The following FARP1 variants were observed in gnomAD, a reference collection of about 807,000 sequenced individuals.
FARP1 encodes the protein FERM, ARH/RhoGEF and pleckstrin domain protein 1.
Under a neutral mutation model 128.8 loss-of-function variants are expected in FARP1, and 52 were observed. That is an observed-to-expected ratio of 0.40 (90% CI 0.32 to 0.51). The LOEUF is 0.51. Among genes scored for constraint, FARP1 ranks in the 20% least tolerant of loss-of-function variants. The probability of loss-of-function intolerance (pLI) is 0.45; values close to 1 mark genes in which losing one functional copy is unlikely to be tolerated. For missense variants in FARP1, 1,333 were observed against 1,367.9 expected (o/e 0.97, Z 0.40); for synonymous variants, 580 against 551.8 (o/e 1.05, Z -0.72).
At chr13:98,405,474 G>C (rs1348823268) in intron 13 of FARP1, 8 of 152,168 alleles carry the variant, frequency 5.3e-5, no homozygotes, top group Non-Finnish European at 1.0e-4. Flanking sequence ...CAGTCTGAGG[G>C]GGGCAGCATA....
Position 98,209,472 on chromosome 13 carries a change from ATTTTTTT to A in FARP1, c.-23-3730_-23-3724del, listed in dbSNP as rs534634730. 6.6e-5 allele frequency among the ~76,000 whole-genome samples: 7 copies of A among 106,444 alleles called. 1 individual carries two copies. The highest frequency in any genetic ancestry group is 2.7e-4 in the African/African-American group (7 of 25,668). The allele number at this position is 106,444 out of a possible 152,430, so 69.8% of individuals were successfully genotyped here. A position where few individuals can be genotyped will look rare whatever the true frequency, so the allele number is the denominator to read the frequency against. ...GAGACAGACTATCTGGGGAGGAAAG[ATTTTTTT>A]TTTTTTTTTTTTTTTTTAAGGAAAA... On this transcript the variant is annotated intron_variant, in intron 1 of 26. Coordinates refer to ENST00000319562, the MANE Select transcript of FARP1 (RefSeq NM_005766.4).
chr13:98,246,350 C>T (rs1883065172), intron 2 of FARP1, among the ~76,000 whole-genome samples: 1 of 151,594 alleles, frequency 6.6e-6, no homozygotes, highest in African/African-American at 2.4e-5. Flanking sequence ...GCCTCGGCCT[C>T]CCAAAGTGCT....
chr13:98,411,530 T>A lies in FARP1; in HGVS notation c.1693-371T>A, dbSNP rs567057273. ...CAGTGTTTTAACAAAGGAACAGAGA[T>A]GGAAGTTCTTAAAGGAATGAAGCAC... On this transcript the variant is annotated intron_variant, in intron 15 of 26. Transcript: ENST00000319562. Among the ~76,000 whole-genome samples, 6 of 152,298 alleles carry A rather than the reference T, an allele frequency of 3.9e-5. No homozygotes were observed. In the South Asian group the frequency reaches 1.2e-3, roughly 32 times the overall value.
rs1272060185 is a variant in FARP1 at position 98,443,746 on chromosome 13, A to G, written c.2797-2352A>G. On this transcript the variant is annotated intron_variant, in intron 24 of 26. Transcript: ENST00000319562. Reference sequence around the variant, plus strand: ...AGCCTGTGGGCACTAGAGCCAGTGAAGGGCCAGAGGCAAAGCAATGCAAGT... The same window carrying G: ...AGCCTGTGGGCACTAGAGCCAGTGAGGGGCCAGAGGCAAAGCAATGCAAGT... Among the ~76,000 whole-genome samples the G allele has an allele frequency of 2.0e-5, 3 of 152,248 alleles. No individual in the cohort carries two copies. In the East Asian group the frequency reaches 5.8e-4, roughly 29 times the overall value.
intron 2 of FARP1, among the ~76,000 whole-genome samples, chr13:98,253,024 C>G (rs1226694557): frequency 2.0e-5 from 3 of 152,162 alleles, no homozygotes; most frequent in Admixed American, 2.0e-4. Flanking sequence ...GCGTAGAATT[C>G]CAAAGGTTGG....
At chr13:98,338,560 A>T (rs895253416) in intron 2 of FARP1, 1 of 152,188 alleles carries the variant, frequency 6.6e-6, no homozygotes, top group Non-Finnish European at 1.5e-5. Context: ...TTATCCATTC[A>T]TTCAGCAGTG....
chr13:98,319,981 A>T (rs529586531), intron 2 of FARP1, among the ~76,000 whole-genome samples: 2 of 152,284 alleles, frequency 1.3e-5, no homozygotes, highest in East Asian at 3.9e-4. Flanking sequence ...AAGGAAATTG[A>T]TCCTCACATT....
At chr13:98,383,916 T>A (rs955541507) in intron 6 of FARP1, 1 of 152,206 alleles carries the variant, frequency 6.6e-6, no homozygotes, top group African/African-American at 2.4e-5. Context: ...AACTCATAAT[T>A]TTTTTAAGCA....
At chr13:98,230,954 A>C (rs117122288) in intron 2 of FARP1, among the ~76,000 whole-genome samples, 1 of 152,220 alleles carries the variant, frequency 6.6e-6, no homozygotes, top group Non-Finnish European at 1.5e-5. Context: ...CACATCTTAC[A>C]TGGCGGCAGA....
At chr13:98,379,182 TATATATAATATATAATATATATATA>T (rs1475583543) in intron 6 of FARP1, among the ~76,000 whole-genome samples, 16 of 74,338 alleles carry the variant, frequency 2.2e-4, no homozygotes, top group South Asian at 1.2e-3. Flanking sequence ...CTATATATAA[TATATATAATATATAATATATATATA>T]ATATATAATA....
chr13:98,398,780 T>C (rs1375256158), intron 13 of FARP1: 1 of 152,210 alleles, frequency 6.6e-6, no homozygotes, highest in Non-Finnish European at 1.5e-5. Context: ...AATCCTGTGG[T>C]TTATCTGTGA....
At chr13:98,403,425 GC>G (rs1212560223) in intron 13 of FARP1, 1 of 152,200 alleles carries the variant, frequency 6.6e-6, no homozygotes, top group Non-Finnish European at 1.5e-5. Flanking sequence ...CCATGGATTT[GC>G]CTTTATGTTT....
intron 20 of FARP1, 57 bp downstream of exon 20, chr13:98,438,929 C>T: frequency 6.3e-7 from 1 of 1,580,266 alleles, no homozygotes; most frequent in Non-Finnish European, 8.7e-7. Flanking sequence ...GCAAGCAAGG[C>T]TCCCAAGGCC....
chr13:98,168,547 A>G (rs1275472339), intron 1 of FARP1, among the ~76,000 whole-genome samples: 3 of 152,200 alleles, frequency 2.0e-5, no homozygotes, highest in African/African-American at 7.2e-5. Flanking sequence ...GGTCTCCCCT[A>G]CTGTAATCTA....
In FARP1 at chr13:98,368,179, CAAG is replaced by C. The variant is rs763149082; in HGVS notation, c.388_390del (p.Glu130del). ...CTTTCCGCCTGACCACACACAACTCCAAGAAGAACTCACAAGGTTAGTGGTTTG... is the reference window on the plus strand; with the variant it reads ...CTTTCCGCCTGACCACACACAACTCCAAGAACTCACAAGGTTAGTGGTTTG... On this transcript the variant is annotated inframe_deletion, in exon 5 of 27. Coordinates refer to ENST00000319562, the MANE Select transcript of FARP1 (RefSeq NM_005766.4). The C allele has an allele frequency of 1.2e-5, 20 of 1,613,338 alleles. No homozygotes were observed. The highest frequency in any genetic ancestry group is 1.7e-5 in the Non-Finnish European group (20 of 1,179,462).
chr13:98,151,658 A>ATTTTTTTTTTTTTTTTTT (rs1197060435), intron 1 of FARP1, among the ~76,000 whole-genome samples: 3 of 24,170 alleles, frequency 1.2e-4, no homozygotes, highest in Non-Finnish European at 3.3e-4. Context: ...TATATCTTCC[A>ATTTTTTTTTTTTTTTTTT]TCTTTTTTTT....
chr13:98,143,035 G>C (rs897613255), upstream of FARP1: 2 of 147,920 alleles, frequency 1.4e-5, no homozygotes, highest in African/African-American at 2.4e-5. Context: ...CGGGCTGCGC[G>C]GCGCCCGCCT....
Position 98,245,179 on chromosome 13 carries a change from C to G in FARP1, c.171+31766C>G, listed in dbSNP as rs117986115. The G allele has an allele frequency of 6.3e-3, 6,276 of 989,948 alleles. 18 individuals are homozygous for G. The highest frequency in any genetic ancestry group is 7.0e-3 in the Non-Finnish European group (5,848 of 832,016). The allele number at this position is 989,948 out of a possible 1,614,324, so 61.3% of individuals were successfully genotyped here. On this transcript the variant is annotated intron_variant, in intron 2 of 26. Coordinates refer to ENST00000319562, the MANE Select transcript of FARP1 (RefSeq NM_005766.4). ...AAGGGTTTAGTTTTTAAAAGGAGTA[C>G]CTCATTTACCATATTACTGTGTTCT...
At chr13:98,256,775 G>C (rs1161429880) in intron 2 of FARP1, among the ~76,000 whole-genome samples, 2 of 149,706 alleles carry the variant, frequency 1.3e-5, no homozygotes, top group Non-Finnish European at 3.0e-5. Context: ...GGCCAGGCTG[G>C]TCTCAAACTC....
Sources: allele counts gnomAD v4.1 joint callset (sites outside exome capture counted in the v4.1 genomes callset), GRCh38; gene constraint gnomAD v4.1.1; transcripts MANE v1.5; gene names NCBI Gene and HGNC (gene_info 2026-07-23, HGNC 2026-07-21).